Variants in FGGY observed in about 807,000 individuals in gnomAD.
FGGY encodes FGGY carbohydrate kinase domain-containing protein.
FGGY carries 72 observed loss-of-function variants against 71.3 expected under a neutral mutation model. The ratio of observed to expected loss-of-function variants is 1.01; its 90% CI spans 0.84 to 1.23. FGGY has a LOEUF of 1.23. Ranked by LOEUF, FGGY falls within the 50% of genes most tolerant of loss-of-function variation. The pLI is 0.00. For missense variants in FGGY, 668 were observed against 682.3 expected (o/e 0.98, Z 0.23); for synonymous variants, 251 against 250.3 (o/e 1.00, Z -0.02).
rs115267471 is a variant in FGGY at position 59,457,262 on chromosome 1, G to A, written c.670+186G>A. ...CATGACTAGTAGGCTCTTGCCTTAA[G>A]ATTTATATGAACTGAGTAGAGATAC... On this transcript the variant is annotated intron_variant, in intron 6 of 15. Coordinates refer to ENST00000303721, the MANE Select transcript of FGGY (RefSeq NM_018291.5). Among the ~76,000 whole-genome samples, 681 of 152,276 alleles carry A rather than the reference G, an allele frequency of 4.5e-3. 4 individuals are homozygous for A. The highest frequency in any genetic ancestry group is 0.015 in the African/African-American group (638 of 41,558).
At chr1:59,381,081 T>A (rs2153346659) in intron 5 of FGGY, among the ~76,000 whole-genome samples, 1 of 152,346 alleles carries the variant, frequency 6.6e-6, no homozygotes, top group Middle Eastern at 3.4e-3. Context: ...TTCTCAGGTT[T>A]GTCAAAGATC....
At chr1:59,735,673 T>C (rs1186875938) in intron 14 of FGGY, among the ~76,000 whole-genome samples, 1 of 152,218 alleles carries the variant, frequency 6.6e-6, no homozygotes, top group Non-Finnish European at 1.5e-5. Context: ...AGAATGCTGC[T>C]CAGACCCACA....
chr1:59,708,490 G>A (rs1016443057), intron 14 of FGGY, among the ~76,000 whole-genome samples: 1 of 152,180 alleles, frequency 6.6e-6, no homozygotes, highest in Non-Finnish European at 1.5e-5. Flanking sequence ...CTACCCAAGT[G>A]TCAATTCTCA....
chr1:59,297,638 C>T (rs942543237), intron 1 of FGGY, among the ~76,000 whole-genome samples: 1 of 151,764 alleles, frequency 6.6e-6, no homozygotes, highest in Non-Finnish European at 1.5e-5. Context: ...CAGGCTAACA[C>T]GGTGAAACCC....
At chr1:59,412,228 C>T (rs1370532635) in intron 5 of FGGY, among the ~76,000 whole-genome samples, 2 of 152,120 alleles carry the variant, frequency 1.3e-5, no homozygotes, top group Non-Finnish European at 2.9e-5. Context: ...CACGAGGTTC[C>T]ATGGGGTTTC....
intron 2 of FGGY, among the ~76,000 whole-genome samples, chr1:59,335,056 C>T (rs140967192): frequency 1.4e-4 from 22 of 152,112 alleles, no homozygotes; most frequent in African/African-American, 4.8e-4. Flanking sequence ...TAGCTCAACT[C>T]GTTTTAAAAG....
chr1:59,462,199 A>G (rs1020483843), intron 6 of FGGY, among the ~76,000 whole-genome samples: 1 of 152,100 alleles, frequency 6.6e-6, no homozygotes, highest in Non-Finnish European at 1.5e-5. Flanking sequence ...GAAAAACAAG[A>G]AATGGGGAAA....
chr1:59,420,362 A>G (rs1246126835), intron 5 of FGGY, among the ~76,000 whole-genome samples: 1 of 152,162 alleles, frequency 6.6e-6, no homozygotes, highest in Admixed American at 6.6e-5. Context: ...CCTTGACAAG[A>G]CCCACATTAG....
chr1:59,529,999 A>T (rs144937106), intron 7 of FGGY, among the ~76,000 whole-genome samples: 213 of 152,290 alleles, frequency 1.4e-3, no homozygotes, highest in African/African-American at 4.9e-3. Context: ...TTTGAAATAG[A>T]TTTCATCTCA....
intron 11 of FGGY, among the ~76,000 whole-genome samples, chr1:59,639,532 C>T (rs960182837): frequency 6.6e-5 from 10 of 152,066 alleles, no homozygotes; most frequent in East Asian, 1.9e-4. Context: ...GGCAACAGAC[C>T]GCAACTAGAA....
At chr1:59,376,951 C>T (rs1464690153) in intron 4 of FGGY, among the ~76,000 whole-genome samples, 1 of 152,192 alleles carries the variant, frequency 6.6e-6, no homozygotes, top group African/African-American at 2.4e-5. Flanking sequence ...GTTTATCTCA[C>T]CTCCAGTTCC....
chr1:59,557,768 T>C (rs2153711479), intron 8 of FGGY, among the ~76,000 whole-genome samples: 1 of 152,318 alleles, frequency 6.6e-6, no homozygotes, highest in East Asian at 1.9e-4. Context: ...GCCATTGTAC[T>C]GACATCCTTT....
intron 14 of FGGY, among the ~76,000 whole-genome samples, chr1:59,747,376 C>G (rs1438737742): frequency 6.6e-6 from 1 of 152,164 alleles, no homozygotes; most frequent in Non-Finnish European, 1.5e-5. Flanking sequence ...TAGTATAAAA[C>G]CACTCCCCTG....
At chr1:59,662,477 A>G (rs1310211419) in intron 12 of FGGY, among the ~76,000 whole-genome samples, 1 of 152,198 alleles carries the variant, frequency 6.6e-6, no homozygotes, top group Non-Finnish European at 1.5e-5. Flanking sequence ...GTGCAGGGCC[A>G]TATAGCTTGT....
At chr1:59,384,154 C>A (rs562496189) in intron 5 of FGGY, among the ~76,000 whole-genome samples, 2 of 152,148 alleles carry the variant, frequency 1.3e-5, no homozygotes, top group Non-Finnish European at 2.9e-5. Flanking sequence ...CTAATCATCC[C>A]TGCCATTTTT....
intron 7 of FGGY, among the ~76,000 whole-genome samples, chr1:59,537,607 GT>G (rs1352526097): frequency 6.6e-6 from 1 of 152,010 alleles, no homozygotes; most frequent in African/African-American, 2.4e-5. Flanking sequence ...TACTACAAGG[GT>G]ACAGTAACCA....
At chr1:59,549,449 G>A (rs2095574695) in intron 7 of FGGY, among the ~76,000 whole-genome samples, 1 of 152,202 alleles carries the variant, frequency 6.6e-6, no homozygotes, top group African/African-American at 2.4e-5. Flanking sequence ...GAAAATCCTA[G>A]TTGAGTCCAA....
intron 6 of FGGY, among the ~76,000 whole-genome samples, chr1:59,493,130 C>CAA (rs752089745): frequency 2.7e-5 from 4 of 150,276 alleles, no homozygotes; most frequent in Non-Finnish European, 3.0e-5. Flanking sequence ...CACACACACA[C>CAA]AAAACAGAAA....
At chr1:59,469,640 A>G (rs998661066) in intron 6 of FGGY, among the ~76,000 whole-genome samples, 17 of 152,182 alleles carry the variant, frequency 1.1e-4, no homozygotes, top group African/African-American at 3.4e-4. Context: ...CAGTTTTGTT[A>G]CATAGGTAAA....
Sources: allele counts gnomAD v4.1 joint callset (sites outside exome capture counted in the v4.1 genomes callset), GRCh38; gene constraint gnomAD v4.1.1; transcripts MANE v1.5; gene names NCBI Gene and HGNC (gene_info 2026-07-23, HGNC 2026-07-21).